The following MBOAT2 variants were observed in gnomAD, a reference collection of about 807,000 sequenced individuals.
The protein encoded by MBOAT2 is membrane-bound glycerophospholipid O-acyltransferase 2.
In MBOAT2, 28 loss-of-function variants were observed where a neutral mutation model predicts 63.4. That is an observed-to-expected ratio of 0.44 (90% confidence interval 0.33 to 0.61). MBOAT2 has a LOEUF of 0.61. Among genes scored for constraint, MBOAT2 ranks in the 20% least tolerant of loss-of-function variants. The pLI is 0.03. For missense variants in MBOAT2, 470 were observed against 605.8 expected (o/e 0.78, Z 2.35); for synonymous variants, 211 against 215.6 (o/e 0.98, Z 0.19).
intron 1 of MBOAT2, among the ~76,000 whole-genome samples, chr2:9,001,116 G>A (rs756521887): frequency 6.6e-6 from 1 of 152,064 alleles, no homozygotes; most frequent in African/African-American, 2.4e-5. Flanking sequence ...TAACATGCAC[G>A]GAGCTGTCAT....
intron 1 of MBOAT2, among the ~76,000 whole-genome samples, chr2:8,964,405 T>C (rs1304257374): frequency 3.3e-5 from 5 of 151,560 alleles, no homozygotes; most frequent in Non-Finnish European, 7.4e-5. Context: ...GTGTATTATA[T>C]TTCATTGTGT....
intron 1 of MBOAT2, among the ~76,000 whole-genome samples, chr2:8,961,106 TC>T (rs1344278993): frequency 1.3e-5 from 2 of 152,038 alleles, no homozygotes; most frequent in African/African-American, 4.8e-5. Flanking sequence ...CCTCTACATA[TC>T]CAGAACTCTT....
At chr2:8,944,379 C>T (rs573729716) in intron 2 of MBOAT2, among the ~76,000 whole-genome samples, 13 of 152,246 alleles carry the variant, frequency 8.5e-5, no homozygotes, top group East Asian at 3.9e-4. Flanking sequence ...ATAAAATTTT[C>T]GAATCATCAG....
chr2:8,870,892 C>T (rs1029352956), intron 8 of MBOAT2, among the ~76,000 whole-genome samples: 7 of 152,066 alleles, frequency 4.6e-5, no homozygotes, highest in South Asian at 2.1e-4. Context: ...TGTAAAAATG[C>T]ACAAGATTCA....
At chr2:8,973,625 C>T (rs1573216738) in intron 1 of MBOAT2, among the ~76,000 whole-genome samples, 1 of 148,856 alleles carries the variant, frequency 6.7e-6, no homozygotes, top group Non-Finnish European at 1.5e-5. Flanking sequence ...GAAGCTCCCA[C>T]ATATCAATAA....
rs182423642 is a variant in MBOAT2 at position 8,937,278 on chromosome 2, G to A, written c.299+5909C>T. On this transcript the variant is annotated intron_variant, in intron 3 of 12. Transcript: ENST00000305997. ...GGCCATGGCTGGGAAGCAGGAGTTC[G>A]AGGGGGCTCCTTGGACAAGGTGTGC... Among the ~76,000 whole-genome samples, 240 of 152,330 alleles carry A rather than the reference G, an allele frequency of 1.6e-3. 1 individual carries two copies. In the Middle Eastern group the frequency reaches 0.031, roughly 19 times the overall value.
intron 4 of MBOAT2, among the ~76,000 whole-genome samples, chr2:8,900,218 C>G (rs1432473204): frequency 6.6e-6 from 1 of 152,156 alleles, no homozygotes; most frequent in Non-Finnish European, 1.5e-5. Context: ...GAGATCCATA[C>G]TGGGGATGGC....
chr2:8,948,575 T>A (rs1260487096), intron 2 of MBOAT2, among the ~76,000 whole-genome samples: 1 of 152,192 alleles, frequency 6.6e-6, no homozygotes, highest in Non-Finnish European at 1.5e-5. Context: ...CTCCCACTTA[T>A]AAGTGAGACC....
chr2:8,887,404 G>T (rs749313561), intron 5 of MBOAT2, among the ~76,000 whole-genome samples: 2 of 152,102 alleles, frequency 1.3e-5, no homozygotes, highest in Non-Finnish European at 2.9e-5. Context: ...ACCTGCCCGG[G>T]GAGTGGGCAC....
chr2:8,909,545 GAT>G (rs1472742386), intron 3 of MBOAT2, among the ~76,000 whole-genome samples: 3 of 152,024 alleles, frequency 2.0e-5, no homozygotes, highest in African/African-American at 7.3e-5. Flanking sequence ...AGCAATATAT[GAT>G]ATAGGAGAAA....
chr2:8,891,946 A>G (rs1487735458), intron 4 of MBOAT2, among the ~76,000 whole-genome samples: 1 of 152,262 alleles, frequency 6.6e-6, no homozygotes, highest in Non-Finnish European at 1.5e-5. Flanking sequence ...CTGATGTAAC[A>G]GTTTCAGCTA....
At position 8,880,536 on chromosome 2, in the gene MBOAT2, G is replaced by A. The variant is rs77158348; in HGVS notation, c.506+1975C>T. 6.8e-3 allele frequency among the ~76,000 whole-genome samples: 1,038 copies of A among 152,348 alleles called. 11 individuals are homozygous for A. Among genetic ancestry groups the A allele is most frequent in the African/African-American group, 0.023 (974 of 41,586 alleles). On this transcript the variant is annotated intron_variant, in intron 6 of 12. Transcript: ENST00000305997. ...CAGTTGGATAAATGAGGCTGGAGCCGAGGGGAGTGGATTGGGCGGGAATAT... is the reference window on the plus strand; with the variant it reads ...CAGTTGGATAAATGAGGCTGGAGCCAAGGGGAGTGGATTGGGCGGGAATAT...
At chr2:8,947,186 C>T (rs988402922) in intron 2 of MBOAT2, among the ~76,000 whole-genome samples, 2 of 152,240 alleles carry the variant, frequency 1.3e-5, no homozygotes, top group African/African-American at 4.8e-5. Context: ...CCAAACATTC[C>T]TTAAGCCAAA....
chr2:8,984,650 T>G (rs1003194606), intron 1 of MBOAT2, among the ~76,000 whole-genome samples: 1 of 151,818 alleles, frequency 6.6e-6, no homozygotes, highest in Non-Finnish European at 1.5e-5. Context: ...GCTCTAAAAA[T>G]AAATAAAGAA....
At chr2:8,933,711 C>T (rs577215498) in intron 3 of MBOAT2, among the ~76,000 whole-genome samples, 5 of 152,302 alleles carry the variant, frequency 3.3e-5, no homozygotes, top group African/African-American at 9.6e-5. Flanking sequence ...CAGTCCTGAA[C>T]TGGCAGAGCC....
At chr2:8,971,256 C>T (rs145786368) in intron 1 of MBOAT2, among the ~76,000 whole-genome samples, 2,780 of 152,174 alleles carry the variant, frequency 0.018, 84 homozygotes, top group African/African-American at 0.063. Context: ...ACAGAACCAA[C>T]GACAAAAACC....
chr2:8,890,332 A>C (rs1447363220), intron 4 of MBOAT2, among the ~76,000 whole-genome samples: 1 of 152,142 alleles, frequency 6.6e-6, no homozygotes, highest in Non-Finnish European at 1.5e-5. Flanking sequence ...TCTTCATTTC[A>C]TCTTAGTCCT....
intron 3 of MBOAT2, among the ~76,000 whole-genome samples, chr2:8,938,750 C>T (rs1010973335): frequency 6.6e-6 from 1 of 151,632 alleles, no homozygotes; most frequent in African/African-American, 2.4e-5. Context: ...CATGCCGCCA[C>T]ATTTCATGCC....
rs368435047 is a variant in MBOAT2 at position 8,882,457 on chromosome 2, G to T, written c.506+54C>A. 99 of 1,556,380 alleles carry T rather than the reference G, an allele frequency of 6.4e-5. No homozygotes were observed. In the African/African-American group the frequency reaches 1.1e-3, roughly 17 times the overall value. On this transcript the variant is annotated intron_variant, in intron 6 of 12. Coordinates refer to ENST00000305997, the MANE Select transcript of MBOAT2 (RefSeq NM_138799.4). ...CAGCCTCAGCCACAGAAGGAACGTG[G>T]GTCCTAGGCAGGGGCGCAGGAAGCA...
Sources: gnomAD v4.1 joint callset for allele counts (sites outside exome capture counted in the v4.1 genomes callset) on GRCh38, gnomAD v4.1.1 for gene constraint, MANE v1.5 for transcripts, NCBI Gene and HGNC (gene_info 2026-07-23, HGNC 2026-07-21) for gene names.